Variants in RPL37A observed in about 807,000 individuals in gnomAD.
RPL37A encodes the protein large ribosomal subunit protein eL43.
A neutral mutation model predicts 13.6 loss-of-function variants in RPL37A; 5 were observed. The observed-to-expected ratio is 0.37, with a 90% CI of 0.19 to 0.78. The LOEUF (loss-of-function observed/expected upper bound fraction) is 0.78, where lower values mean the gene tolerates loss of function less well. Ranked by LOEUF, RPL37A falls within the 30% of genes least tolerant of loss-of-function variation. The probability of loss-of-function intolerance (pLI) is 0.49; values close to 1 mark genes in which losing one functional copy is unlikely to be tolerated. For missense variants in RPL37A, 77 were observed against 120.0 expected, an observed-to-expected ratio of 0.64 and a Z score of 1.67; for synonymous variants, 50 against 44.4, an observed-to-expected ratio of 1.13 and a Z score of -0.50.
chr2:216,500,410 G>C (rs1290151024), intron 3 of RPL37A: 11 of 282,992 alleles, frequency 3.9e-5, no homozygotes, highest in Non-Finnish European at 7.5e-5. Flanking sequence ...TTTGGAACTT[G>C]AGGCCATCAG....
Position 216,502,635 on chromosome 2 carries a change from A to G in RPL37A, c.*1231A>G, listed in dbSNP as rs187481381. 1 of 152,264 alleles carries G rather than the reference A, an allele frequency of 6.6e-6. No individual in the cohort carries two copies. Among genetic ancestry groups the G allele is most frequent in the East Asian group, 1.9e-4 (1 of 5,168 alleles). 9.4% of individuals were successfully genotyped at this position (152,264 alleles called of 1,614,324 possible). A position where few individuals can be genotyped will look rare whatever the true frequency, so the allele number is the denominator to read the frequency against. Reference sequence around the variant, plus strand: ...ACTGCCAATTTAGTCTAACTCCTCAACCATCTGTGGTATGGACTTCTCAGT... The same window carrying G: ...ACTGCCAATTTAGTCTAACTCCTCAGCCATCTGTGGTATGGACTTCTCAGT... On this transcript the variant is annotated 3_prime_UTR_variant, in exon 4 of 4. Transcript: ENST00000491306.
At chr2:216,499,531 T>C in intron 2 of RPL37A, 133 bp downstream of exon 2, 1 of 1,114,410 alleles carries the variant, frequency 9.0e-7, no homozygotes. Flanking sequence ...TGATTATGAG[T>C]TTTAAGATAA....
intron 1 of RPL37A, 181 bp from the exon 2 acceptor site, chr2:216,499,089 C>A: frequency 8.8e-7 from 1 of 1,131,980 alleles, no homozygotes; most frequent in Non-Finnish European, 1.2e-6. Context: ...TAACGCCGGG[C>A]CTTCGGAGCG....
chr2:216,499,873 C>T (rs1695569432), intron 2 of RPL37A, 76 bp from the exon 3 acceptor site: 10 of 1,277,148 alleles, frequency 7.8e-6, no homozygotes, highest in Non-Finnish European at 1.1e-5. Flanking sequence ...TAAGGTGAAT[C>T]CAAATTTAGA....
chr2:216,500,292 G>A, intron 3 of RPL37A: 1 of 526,580 alleles, frequency 1.9e-6, no homozygotes, highest in Non-Finnish European at 3.4e-6. Context: ...TGTGAACATT[G>A]TCATGATACT....
At chr2:216,498,898 G>T (rs774829500) in intron 1 of RPL37A, 21 bp downstream of exon 1, 8 of 1,613,856 alleles carry the variant, frequency 5.0e-6, no homozygotes, top group Middle Eastern at 3.3e-4. Context: ...GTCTCTGTGC[G>T]GCCTAGAACT....
At chr2:216,499,837 AAGGG>A in intron 2 of RPL37A, 108 bp from the exon 3 acceptor site, 4 of 907,126 alleles carry the variant, frequency 4.4e-6, no homozygotes, top group Non-Finnish European at 7.3e-6. Context: ...TTGAGGGAGA[AAGGG>A]AGGCTTTCAC....
intron 2 of RPL37A, 180 bp downstream of exon 2, chr2:216,499,578 T>C: frequency 1.2e-6 from 1 of 811,332 alleles, no homozygotes; most frequent in Non-Finnish European, 1.9e-6. Context: ...GTGAGACGTT[T>C]TTCATTTAAA....
rs1243771591 is a variant in RPL37A at position 216,501,329 on chromosome 2, CTT to C, written c.216-10_216-9del. Reference sequence around the variant, plus strand: ...TGCTTAATTATGTTGGAAACTGAATCTTTCTTTCCAGTACCACTTCCGCTGTC... The same window carrying C: ...TGCTTAATTATGTTGGAAACTGAATCTCTTTCCAGTACCACTTCCGCTGTC... On this transcript the variant is annotated splice_polypyrimidine_tract_variant and intron_variant, in intron 3 of 3. Coordinates refer to ENST00000491306, the MANE Select transcript of RPL37A (RefSeq NM_000998.5). 1.9e-6 allele frequency: 3 copies of C among 1,609,382 alleles called. No homozygotes were observed. The highest frequency in any genetic ancestry group is 2.5e-6 in the Non-Finnish European group (3 of 1,176,624).
rs1695597473 is a variant in RPL37A at position 216,501,327 on chromosome 2, A to T, written c.216-14A>T. ...CATGCTTAATTATGTTGGAAACTGA[A>T]TCTTTCTTTCCAGTACCACTTCCGC... On this transcript the variant is annotated splice_polypyrimidine_tract_variant and intron_variant, in intron 3 of 3. Transcript: ENST00000491306. 1.2e-6 allele frequency: 2 copies of T among 1,608,822 alleles called. No homozygotes were observed. The highest frequency in any genetic ancestry group is 2.7e-5 in the African/African-American group (2 of 74,802).
Position 216,502,846 on chromosome 2 carries a change from C to T in RPL37A, c.*1442C>T, listed in dbSNP as rs1422506454. ...TCATTACTGGCCTTTGCACGGATGT[C>T]TCCCTTCACCTGTACCTCCTGCATT... On this transcript the variant is annotated 3_prime_UTR_variant, in exon 4 of 4. Transcript: ENST00000491306. The T allele has an allele frequency of 6.6e-6, 1 of 152,240 alleles. No homozygotes were observed. The highest frequency in any genetic ancestry group is 6.5e-5 in the Admixed American group (1 of 15,290). 9.4% of individuals were successfully genotyped at this position (152,240 alleles called of 1,614,324 possible). A position where few individuals can be genotyped will look rare whatever the true frequency, so the allele number is the denominator to read the frequency against.
At chr2:216,499,119 T>G (rs530281780) in intron 1 of RPL37A, 151 bp from the exon 2 acceptor site, 1 of 1,224,108 alleles carries the variant, frequency 8.2e-7, no homozygotes, top group African/African-American at 1.5e-5. Context: ...CCCTGGGCAC[T>G]GGTTTCGTTG....
In RPL37A at chr2:216,498,864, G is replaced by A. The variant is rs746470310; in HGVS notation, c.-11G>A. On this transcript the variant is annotated 5_prime_UTR_variant, in exon 1 of 4. Coordinates refer to ENST00000491306, the MANE Select transcript of RPL37A (RefSeq NM_000998.5). Reference sequence around the variant, plus strand: ...TCTTCCTTTCTGGGCTCGGACCTAGGTCGCGGCGACATGGTGAGTGTGGGT... The same window carrying A: ...TCTTCCTTTCTGGGCTCGGACCTAGATCGCGGCGACATGGTGAGTGTGGGT... 8 of 1,614,006 alleles carry A rather than the reference G, an allele frequency of 5.0e-6. No homozygotes were observed. Among genetic ancestry groups the A allele is most frequent in the Admixed American group, 3.3e-5 (2 of 60,006 alleles).
In RPL37A at chr2:216,502,609, C is replaced by T. The variant is rs1263951744; in HGVS notation, c.*1205C>T. 2 of 152,206 alleles carry T rather than the reference C, an allele frequency of 1.3e-5. No individual in the cohort carries two copies. The highest frequency in any genetic ancestry group is 4.8e-5 in the African/African-American group (2 of 41,458). The allele number at this position is 152,206 out of a possible 1,614,324, so 9.4% of individuals were successfully genotyped here. ...CTTTGACACTTTTATGCACTTAATT[C>T]ACTGCCAATTTAGTCTAACTCCTCA... is the stretch of plus-strand genomic sequence containing the variant. On this transcript the variant is annotated 3_prime_UTR_variant, in exon 4 of 4. Transcript: ENST00000491306.
At position 216,503,151 on chromosome 2, in the gene RPL37A, C is replaced by T. The variant is rs1418641780; in HGVS notation, c.*1747C>T. ...GTGAGTGACCAGGATTTCATGTAAG[C>T]ATAGGGAATTGAATGAGCATTAGAT... On this transcript the variant is annotated 3_prime_UTR_variant, in exon 4 of 4. Transcript: ENST00000491306. 6.6e-6 allele frequency: 1 copy of T among 152,134 alleles called. No individual in the cohort carries two copies. Among genetic ancestry groups the T allele is most frequent in the Non-Finnish European group, 1.5e-5 (1 of 68,022 alleles). The allele number at this position is 152,134 out of a possible 1,614,324, so 9.4% of individuals were successfully genotyped here. A position where few individuals can be genotyped will look rare whatever the true frequency, so the allele number is the denominator to read the frequency against.
rs1695572190 is a variant in RPL37A, at chr2:216,500,009, G to T, written c.193G>T (p.Ala65Ser). Residue 65 changes from alanine to serine, a missense_variant, in exon 3 of 4, where the codon GCT becomes TCT. By Grantham distance (99) the Ala-to-Ser change is moderately conservative. Transcript: ENST00000491306. ...WHCGSCMKTV[A>S]GGAWTYNTTS... is the part of the protein sequence containing the mutation. ...CTGTGGTTCCTGCATGAAGACAGTG[G>T]CTGGCGGTGCCTGGACGTACAAGTG... The T allele has an allele frequency of 6.2e-7, 1 of 1,613,632 alleles. No homozygotes were observed. Among genetic ancestry groups the T allele is most frequent in the Admixed American group, 1.7e-5 (1 of 60,006 alleles).
At chr2:216,499,118 C>T (rs1037866591) in intron 1 of RPL37A, 152 bp from the exon 2 acceptor site, 14 of 1,226,190 alleles carry the variant, frequency 1.1e-5, no homozygotes, top group African/African-American at 3.0e-5. Context: ...GCCCTGGGCA[C>T]TGGTTTCGTT....
At chr2:216,500,073 C>T (rs979458748) in intron 3 of RPL37A, 42 bp downstream of exon 3, 6 of 1,512,340 alleles carry the variant, frequency 4.0e-6, no homozygotes, top group Non-Finnish European at 5.5e-6. Context: ...GTGTGGACCA[C>T]ATAGGCCCAA....
chr2:216,500,229 G>A (rs773245364), intron 3 of RPL37A, 198 bp downstream of exon 3: 36 of 598,518 alleles, frequency 6.0e-5, no homozygotes, highest in Non-Finnish European at 1.0e-4. Flanking sequence ...AATAGAAGTC[G>A]GAAATCTAAT....
Sources: allele counts gnomAD v4.1 joint callset, GRCh38; gene constraint gnomAD v4.1.1; transcripts MANE v1.5; gene names NCBI Gene and HGNC (gene_info 2026-07-23, HGNC 2026-07-21).